The following GAS2 variants were observed in gnomAD, a reference collection of about 807,000 sequenced individuals.
The protein encoded by GAS2 is growth arrest-specific protein 2.
In GAS2, 20 loss-of-function variants were observed where a neutral mutation model predicts 37.5. That is an observed-to-expected ratio of 0.53 (90% CI 0.37 to 0.77). The LOEUF (loss-of-function observed/expected upper bound fraction) is 0.77, where lower values mean the gene tolerates loss of function less well. GAS2 is among the 30% of genes least tolerant of loss of function. GAS2 has a pLI of 0.00. For missense variants in GAS2, 336 were observed against 373.4 expected (o/e 0.90, Z 0.82); for synonymous variants, 144 against 132.2 (o/e 1.09, Z -0.61).
At chr11:22,764,755 CAATA>C (rs1854595930) in intron 7 of GAS2, among the ~76,000 whole-genome samples, 1 of 152,098 alleles carries the variant, frequency 6.6e-6, no homozygotes, top group Non-Finnish European at 1.5e-5. Flanking sequence ...ATGTGAAAAA[CAATA>C]AATAAATAGA....
intron 1 of GAS2, among the ~76,000 whole-genome samples, chr11:22,632,107 C>G (rs1276112655): frequency 1.3e-5 from 2 of 151,946 alleles, no homozygotes; most frequent in Non-Finnish European, 2.9e-5. Flanking sequence ...AGTTTGTTTG[C>G]AAAGAGGTGT....
intron 2 of GAS2, among the ~76,000 whole-genome samples, chr11:22,681,519 G>A (rs941697565): frequency 2.0e-5 from 3 of 152,148 alleles, no homozygotes; most frequent in East Asian, 1.9e-4. Context: ...ATGTCTTTAC[G>A]GACCAGCACC....
intron 7 of GAS2, among the ~76,000 whole-genome samples, chr11:22,759,187 C>T (rs935967419): frequency 1.3e-5 from 2 of 151,984 alleles, no homozygotes; most frequent in African/African-American, 2.4e-5. Context: ...AAAGGAAGAC[C>T]GGGAAGATAT....
intron 7 of GAS2, among the ~76,000 whole-genome samples, chr11:22,775,901 C>T (rs1226916443): frequency 6.6e-6 from 1 of 152,134 alleles, no homozygotes; most frequent in Non-Finnish European, 1.5e-5. Flanking sequence ...CACAATAAGC[C>T]TTTCATAGAG....
chr11:22,636,964 TG>T (rs1301472605), intron 1 of GAS2, among the ~76,000 whole-genome samples: 6 of 141,634 alleles, frequency 4.2e-5, no homozygotes, highest in African/African-American at 5.1e-5. Flanking sequence ...TTACTATTAA[TG>T]ATATTTATAT....
At chr11:22,747,142 G>A (rs1219825956) in intron 5 of GAS2, among the ~76,000 whole-genome samples, 1 of 152,252 alleles carries the variant, frequency 6.6e-6, no homozygotes, top group East Asian at 1.9e-4. Context: ...TATGCAGTTA[G>A]GGATTCAAAA....
intron 1 of GAS2, among the ~76,000 whole-genome samples, chr11:22,654,567 T>G (rs577893223): frequency 4.0e-4 from 61 of 152,130 alleles, no homozygotes; most frequent in African/African-American, 1.4e-3. Flanking sequence ...GGCTAACTTT[T>G]TAAAGTTTTA....
intron 1 of GAS2, among the ~76,000 whole-genome samples, chr11:22,669,263 AGTCATTAGACT>A (rs11270579): frequency 0.62 from 92,919 of 151,000 alleles, 32,699 homozygotes; most frequent in Non-Finnish European, 0.77. Flanking sequence ...TGTTAACAAT[AGTCATTAGACT>A]GTCATTAGAC....
At chr11:22,808,513 G>C (rs1280889388) in intron 7 of GAS2, among the ~76,000 whole-genome samples, 1 of 152,200 alleles carries the variant, frequency 6.6e-6, no homozygotes, top group African/African-American at 2.4e-5. Context: ...GATTCATTAA[G>C]AAATTAGCAA....
chr11:22,755,769 C>A, intron 6 of GAS2, 77 bp from the exon 7 acceptor site: 1 of 944,926 alleles, frequency 1.1e-6, no homozygotes, highest in Non-Finnish European at 1.7e-6. Flanking sequence ...GGTTCAGGGG[C>A]CGTGGAGTCC....
rs575102653 is a variant in GAS2 at position 22,803,960 on chromosome 11, A to T, written c.724-7838A>T. 9.7e-4 allele frequency among the ~76,000 whole-genome samples: 148 copies of T among 152,038 alleles called. 1 individual carries two copies. Among genetic ancestry groups the T allele is most frequent in the African/African-American group, 3.3e-3 (136 of 41,484 alleles). On this transcript the variant is annotated intron_variant, in intron 7 of 7. Transcript: ENST00000454584. ...AAGATTTTCCATATTCTGAAAAGGG[A>T]CATACAGGTAAATCAGCAATTGCAA...
intron 7 of GAS2, among the ~76,000 whole-genome samples, chr11:22,761,272 G>C (rs906582002): frequency 6.6e-6 from 1 of 152,050 alleles, no homozygotes; most frequent in Admixed American, 6.5e-5. Flanking sequence ...AGTTTTTAGT[G>C]AGAGGAAAAT....
intron 3 of GAS2, among the ~76,000 whole-genome samples, chr11:22,696,727 T>G (rs1850539643): frequency 1.3e-5 from 2 of 151,874 alleles, no homozygotes; most frequent in African/African-American, 4.8e-5. Flanking sequence ...GTTTTTTGGC[T>G]GCATAAATGT....
intron 7 of GAS2, among the ~76,000 whole-genome samples, chr11:22,791,041 C>A (rs1856133451): frequency 1.3e-5 from 2 of 151,958 alleles, no homozygotes; most frequent in Admixed American, 1.3e-4. Context: ...TAGCTGCTAT[C>A]AGAGATCAAA....
intron 3 of GAS2, chr11:22,702,216 C>T (rs1008168363): frequency 1.3e-5 from 2 of 152,210 alleles, no homozygotes; most frequent in East Asian, 3.9e-4. Context: ...AGGTCAAAAT[C>T]CAAATTATTC....
At chr11:22,711,167 A>T (rs935960871) in intron 3 of GAS2, among the ~76,000 whole-genome samples, 1 of 152,216 alleles carries the variant, frequency 6.6e-6, no homozygotes, top group Non-Finnish European at 1.5e-5. Flanking sequence ...TGAGGGGGGA[A>T]AAGTCACCCT....
At chr11:22,693,654 T>A (rs1301431774) in intron 3 of GAS2, among the ~76,000 whole-genome samples, 1 of 152,184 alleles carries the variant, frequency 6.6e-6, no homozygotes, top group African/African-American at 2.4e-5. Flanking sequence ...AAAAATAACA[T>A]CTAATGTTTG....
intron 7 of GAS2, among the ~76,000 whole-genome samples, chr11:22,804,876 A>C (rs1174074789): frequency 6.6e-6 from 1 of 152,080 alleles, no homozygotes; most frequent in Non-Finnish European, 1.5e-5. Context: ...ACTTAATTGC[A>C]ATTGGCCTGA....
chr11:22,810,700 T>G (rs1857117436), intron 7 of GAS2, among the ~76,000 whole-genome samples: 1 of 152,128 alleles, frequency 6.6e-6, no homozygotes, highest in African/African-American at 2.4e-5. Context: ...CATGGAGAAA[T>G]TTTAGATACA....
Sources: allele counts gnomAD v4.1 joint callset (sites outside exome capture counted in the v4.1 genomes callset), GRCh38; gene constraint gnomAD v4.1.1; transcripts MANE v1.5; gene names NCBI Gene and HGNC (gene_info 2026-07-23, HGNC 2026-07-21).